The following SCRG1 variants were observed in gnomAD, a reference collection of about 807,000 sequenced individuals.
SCRG1 encodes the protein stimulator of chondrogenesis 1, also known as scrapie-responsive protein 1.
Under a neutral mutation model 7.7 loss-of-function variants are expected in SCRG1, and 3 were observed. That is an observed-to-expected ratio of 0.39 (90% CI 0.18 to 1.01). The LOEUF is 1.01. Ranked by LOEUF, SCRG1 falls within the 50% of genes least tolerant of loss-of-function variation. SCRG1 has a pLI of 0.36. For missense variants in SCRG1, 110 were observed against 117.2 expected, an observed-to-expected ratio of 0.94 and a Z score of 0.28; for synonymous variants, 46 against 41.2, an observed-to-expected ratio of 1.12 and a Z score of -0.44.
the SCRG1 span, among the ~76,000 whole-genome samples, chr4:173,502,959 G>T: frequency 6.6e-6 from 1 of 152,200 alleles, no homozygotes; most frequent in Non-Finnish European, 1.5e-5. The surrounding 1 kb of genome is among the most constrained non-coding windows in gnomAD (Gnocchi z 4.6). Context: ...AATAGAAGGG[G>T]GGTCTGGTGC....
chr4:173,456,457 GT>G, the SCRG1 span, among the ~76,000 whole-genome samples: 3 of 152,186 alleles, frequency 2.0e-5, no homozygotes, highest in Non-Finnish European at 4.4e-5. Flanking sequence ...CTCCTAGGAA[GT>G]TGTCTTTTCC....
At chr4:173,491,283 A>C in the SCRG1 span, among the ~76,000 whole-genome samples, 3 of 148,552 alleles carry the variant, frequency 2.0e-5, no homozygotes, top group East Asian at 6.0e-4. Flanking sequence ...CACTGCATGC[A>C]CATGATCTTT....
the SCRG1 span, among the ~76,000 whole-genome samples, chr4:173,449,812 G>C: frequency 2.0e-4 from 31 of 152,280 alleles, no homozygotes; most frequent in African/African-American, 6.5e-4. Flanking sequence ...AACATCTTAG[G>C]TGCTGAGATA....
chr4:173,498,060 G>A, the SCRG1 span, among the ~76,000 whole-genome samples: 8 of 152,156 alleles, frequency 5.3e-5, no homozygotes, highest in African/African-American at 1.9e-4. Flanking sequence ...TTTGTTGTGT[G>A]AAGGGAAAGT....
At chr4:173,455,955 A>G in the SCRG1 span, among the ~76,000 whole-genome samples, 717 of 152,276 alleles carry the variant, frequency 4.7e-3, 3 homozygotes, top group Non-Finnish European at 6.3e-3. Context: ...CCCCAGGAGC[A>G]TGGTAGGCAG....
the SCRG1 span, among the ~76,000 whole-genome samples, chr4:173,471,441 G>A: frequency 6.6e-6 from 1 of 152,108 alleles, no homozygotes; most frequent in East Asian, 1.9e-4. Flanking sequence ...CATCCTGGAG[G>A]CAGCTCATAG....
the SCRG1 span, among the ~76,000 whole-genome samples, chr4:173,421,353 G>A: frequency 6.6e-6 from 1 of 151,206 alleles, no homozygotes; most frequent in African/African-American, 2.4e-5. Flanking sequence ...TGTCGAATGA[G>A]TCAGTGAACA....
the SCRG1 span, among the ~76,000 whole-genome samples, chr4:173,444,841 G>T: frequency 6.6e-6 from 1 of 152,178 alleles, no homozygotes; most frequent in African/African-American, 2.4e-5. Context: ...AGAAGAGAGA[G>T]ACCCTGACCT....
At chr4:173,414,337 T>C in the SCRG1 span, among the ~76,000 whole-genome samples, 1 of 152,214 alleles carries the variant, frequency 6.6e-6, no homozygotes, top group African/African-American at 2.4e-5. Flanking sequence ...TTCCAAGTAA[T>C]GTTTTCTGTA....
the SCRG1 span, among the ~76,000 whole-genome samples, chr4:173,430,897 A>G: frequency 3.3e-5 from 5 of 152,090 alleles, no homozygotes; most frequent in African/African-American, 7.2e-5. Context: ...AACAGCCACT[A>G]TAATTAGATC....
At chr4:173,469,159 A>G in the SCRG1 span, 1 of 152,170 alleles carries the variant, frequency 6.6e-6, no homozygotes, top group African/African-American at 2.4e-5. Flanking sequence ...TCTCTTGGAT[A>G]TTGGTGATGG....
In SCRG1 at chr4:173,389,536, A is replaced by AAAACAAAC. The variant is rs57097016; in HGVS notation, c.243-1149_243-1142dup. The AAAACAAAC allele has an allele frequency of 5.1e-3, 955 of 185,808 alleles. 12 individuals carry two copies. The highest frequency in any genetic ancestry group is 8.1e-3 in the South Asian group (78 of 9,662). 11.5% of individuals were successfully genotyped at this position (185,808 alleles called of 1,614,324 possible). A position where few individuals can be genotyped will look rare whatever the true frequency, so the allele number is the denominator to read the frequency against. ...GGGCAACAGAGCAAGATTCCGTCTC[A>AAAACAAAC]AAACAAACAAACAAACAAACAAACA... On this transcript the variant is annotated intron_variant, in intron 2 of 2. Transcript: ENST00000296506.
At chr4:173,462,164 C>G in the SCRG1 span, among the ~76,000 whole-genome samples, 3 of 151,988 alleles carry the variant, frequency 2.0e-5, no homozygotes, top group Non-Finnish European at 4.4e-5. Context: ...AGAAAACTTC[C>G]CGAACCTATA....
the SCRG1 span, among the ~76,000 whole-genome samples, chr4:173,517,737 C>T: frequency 1.3e-5 from 2 of 152,328 alleles, no homozygotes; most frequent in East Asian, 3.9e-4. Flanking sequence ...TCTGATTTTA[C>T]CGGAGATTGG....
chr4:173,515,249 C>T, the SCRG1 span, among the ~76,000 whole-genome samples: 1 of 151,640 alleles, frequency 6.6e-6, no homozygotes. This position sits in a 1 kb window ranked among gnomAD's most constrained non-coding sequence, Gnocchi z 4.6. Flanking sequence ...AAAATTATTA[C>T]CCCCTGCCCC....
chr4:173,509,955 T>A, the SCRG1 span, among the ~76,000 whole-genome samples: 1 of 152,156 alleles, frequency 6.6e-6, no homozygotes, highest in African/African-American at 2.4e-5. The surrounding 1 kb of genome is among the most constrained non-coding windows in gnomAD (Gnocchi z 5.7). Context: ...CTTCTCACTT[T>A]AGTTCACTGC....
At chr4:173,497,414 G>C in the SCRG1 span, among the ~76,000 whole-genome samples, 1 of 151,982 alleles carries the variant, frequency 6.6e-6, no homozygotes, top group Admixed American at 6.6e-5. Context: ...GATGATAAAG[G>C]AAAAGACTAC....
the SCRG1 span, among the ~76,000 whole-genome samples, chr4:173,417,168 C>G: frequency 3.3e-5 from 5 of 151,978 alleles, no homozygotes; most frequent in East Asian, 9.7e-4. Flanking sequence ...ACACACAGAG[C>G]CTTTGTCTTT....
chr4:173,437,171 T>C, the SCRG1 span, among the ~76,000 whole-genome samples: 3 of 152,298 alleles, frequency 2.0e-5, no homozygotes, highest in African/African-American at 7.2e-5. Context: ...GAAGCAAATG[T>C]TACCCCACCT....
Sources: gnomAD v4.1 joint callset for allele counts (sites outside exome capture counted in the v4.1 genomes callset) on GRCh38, gnomAD v4.1.1 for gene constraint, Gnocchi (gnomAD v3.1) non-coding constraint, MANE v1.5 for transcripts, NCBI Gene and HGNC (gene_info 2026-07-23, HGNC 2026-07-21) for gene names.